Variants in THSD7B observed in about 807,000 individuals in gnomAD.
The protein encoded by THSD7B is thrombospondin type-1 domain-containing protein 7B.
A neutral mutation model predicts 213.6 loss-of-function variants in THSD7B; 138 were observed. That is an observed-to-expected ratio of 0.65 (90% CI 0.56 to 0.74). THSD7B has a LOEUF of 0.74. Among genes scored for constraint, THSD7B ranks in the 30% least tolerant of loss-of-function variants. The probability of loss-of-function intolerance (pLI) is 0.00; values close to 1 mark genes in which losing one functional copy is unlikely to be tolerated. For missense variants in THSD7B, 1,931 were observed against 1,991.5 expected, an observed-to-expected ratio of 0.97 and a Z score of 0.58; for synonymous variants, 742 against 687.0, an observed-to-expected ratio of 1.08 and a Z score of -1.25.
chr2:137,614,159 T>C (rs1682339202), intron 17 of THSD7B, among the ~76,000 whole-genome samples: 1 of 152,132 alleles, frequency 6.6e-6, no homozygotes, highest in African/African-American at 2.4e-5. Context: ...TCCGAAACTA[T>C]ATGGTATGAA....
chr2:137,553,523 T>C (rs1040956912), intron 15 of THSD7B, among the ~76,000 whole-genome samples: 4 of 152,194 alleles, frequency 2.6e-5, no homozygotes, highest in East Asian at 1.9e-4. Context: ...GTTTATGATA[T>C]GACTCCGGAA....
chr2:137,563,167 T>A, intron 15 of THSD7B, 54 bp from the exon 16 acceptor site: 4 of 1,577,292 alleles, frequency 2.5e-6, no homozygotes, highest in Non-Finnish European at 3.5e-6. Context: ...ATAGGCTATT[T>A]TTCTATAAGT....
intron 12 of THSD7B, among the ~76,000 whole-genome samples, chr2:137,395,375 G>A (rs1203353785): frequency 6.7e-6 from 1 of 149,820 alleles, no homozygotes; most frequent in African/African-American, 2.5e-5. Flanking sequence ...AGCATGAAGG[G>A]TTGTTGAATT....
chr2:137,216,945 G>A (rs933058536), intron 7 of THSD7B, among the ~76,000 whole-genome samples: 4 of 152,098 alleles, frequency 2.6e-5, no homozygotes, highest in African/African-American at 7.2e-5. Flanking sequence ...TATGTAATGC[G>A]GATTTAACTC....
rs141490472 is a variant in THSD7B, at chr2:137,250,167, A to C, written c.2266+7595A>C. ...TATAACTTCAGCATAGTTTTGCTTTATTTCACTGCCTCTTCCTATTAAATT... is the reference window on the plus strand; with the variant it reads ...TATAACTTCAGCATAGTTTTGCTTTCTTTCACTGCCTCTTCCTATTAAATT... On this transcript the variant is annotated intron_variant, in intron 10 of 27. Coordinates refer to ENST00000409968, the MANE Select transcript of THSD7B (RefSeq NM_001316349.2). Among the ~76,000 whole-genome samples the C allele has an allele frequency of 2.2e-3, 341 of 152,310 alleles. 1 individual carries two copies. Among genetic ancestry groups the C allele is most frequent in the African/African-American group, 8.0e-3 (331 of 41,576 alleles).
At chr2:136,767,438 T>C (rs1681421104) in intron 1 of THSD7B, among the ~76,000 whole-genome samples, 2 of 110,314 alleles carry the variant, frequency 1.8e-5, no homozygotes, top group Non-Finnish European at 2.2e-5. Flanking sequence ...GGAATTGTTT[T>C]ATTTTCTATC....
At chr2:137,257,821 G>A (rs1682342933) in intron 10 of THSD7B, among the ~76,000 whole-genome samples, 2 of 152,244 alleles carry the variant, frequency 1.3e-5, no homozygotes, top group South Asian at 4.1e-4. Flanking sequence ...CCAGGGAGAG[G>A]TTCATTTTTG....
At chr2:137,655,681 G>C (rs1293323033) in intron 22 of THSD7B, 21 bp downstream of exon 22, 7 of 1,607,024 alleles carry the variant, frequency 4.4e-6, no homozygotes, top group Non-Finnish European at 6.0e-6. Flanking sequence ...CTAGTGATTG[G>C]GAGCGCCTCC....
chr2:137,556,801 C>G (rs1024544451), intron 15 of THSD7B, among the ~76,000 whole-genome samples: 14 of 152,156 alleles, frequency 9.2e-5, no homozygotes, highest in Non-Finnish European at 1.0e-4. Flanking sequence ...AGATCCATCT[C>G]ACTTGCAGAG....
At position 137,492,170 on chromosome 2, in the gene THSD7B, T is replaced by G. The variant is rs1679425894; in HGVS notation, c.3138+41147T>G. Among the ~76,000 whole-genome samples, 5 of 152,190 alleles carry G rather than the reference T, an allele frequency of 3.3e-5. No homozygotes were observed. In the South Asian group the frequency reaches 1.0e-3, roughly 32 times the overall value. ...TACTTCAAAGCAAGGGAAATGAAACTCCATTTGCCTACTTTCTGAACAAGT... is the reference window on the plus strand; with the variant it reads ...TACTTCAAAGCAAGGGAAATGAAACGCCATTTGCCTACTTTCTGAACAAGT... On this transcript the variant is annotated intron_variant, in intron 15 of 27. Coordinates refer to ENST00000409968, the MANE Select transcript of THSD7B (RefSeq NM_001316349.2).
chr2:137,551,899 G>A (rs373531818), intron 15 of THSD7B, among the ~76,000 whole-genome samples: 26 of 152,180 alleles, frequency 1.7e-4, no homozygotes, highest in East Asian at 5.8e-4. Flanking sequence ...ATCAAGAGGG[G>A]TAACTGACCC....
At chr2:137,363,075 A>C (rs1235763935) in intron 12 of THSD7B, among the ~76,000 whole-genome samples, 1 of 152,238 alleles carries the variant, frequency 6.6e-6, no homozygotes, top group African/African-American at 2.4e-5. Flanking sequence ...ACTCAGGATT[A>C]AGAAACTCAC....
At chr2:137,261,722 A>C (rs902289819) in intron 10 of THSD7B, among the ~76,000 whole-genome samples, 1 of 152,206 alleles carries the variant, frequency 6.6e-6, no homozygotes, top group African/African-American at 2.4e-5. Context: ...GGTTAAAAAT[A>C]AAAAGCCTAA....
chr2:136,851,919 A>G (rs1683104200), intron 1 of THSD7B, among the ~76,000 whole-genome samples: 1 of 110,734 alleles, frequency 9.0e-6, no homozygotes, highest in Non-Finnish European at 1.9e-5. Context: ...TGAGGCCAAT[A>G]ATTCAATACA....
rs1407879387 is a variant in THSD7B, at chr2:137,411,825, C to A, written c.2912C>A (p.Ser971Tyr). 6.2e-7 allele frequency: 1 copy of A among 1,613,992 alleles called. No homozygotes were observed. Among genetic ancestry groups the A allele is most frequent in the Non-Finnish European group, 8.5e-7 (1 of 1,179,890 alleles). Reference sequence around the variant, plus strand: ...CTGCGCTTTCGAGCAGTAGCCTGTTCTGATAAAAATGGAAGACCTGTTGAC... The same window carrying A: ...CTGCGCTTTCGAGCAGTAGCCTGTTATGATAAAAATGGAAGACCTGTTGAC... ...EGLRFRAVAC[S>Y]DKNGRPVDPS... Residue 971 changes from serine (S) to tyrosine (Y), a missense_variant, in exon 14 of 28, where the codon TCT becomes TAT. By Grantham distance (144) the Ser-to-Tyr change is moderately radical (BLOSUM62 -2). Coordinates refer to ENST00000409968, the MANE Select transcript of THSD7B (RefSeq NM_001316349.2).
intron 12 of THSD7B, among the ~76,000 whole-genome samples, chr2:137,295,063 C>G (rs1321193053): frequency 6.6e-6 from 1 of 152,026 alleles, no homozygotes; most frequent in Non-Finnish European, 1.5e-5. Flanking sequence ...CTTCCTCTCC[C>G]CCTGTATCTC....
chr2:137,142,146 T>G (rs1223224917), intron 5 of THSD7B, among the ~76,000 whole-genome samples: 1 of 152,184 alleles, frequency 6.6e-6, no homozygotes, highest in Non-Finnish European at 1.5e-5. Flanking sequence ...TATCACATAC[T>G]GTGTCATTTA....
chr2:137,571,752 C>T (rs1272653128), intron 16 of THSD7B, among the ~76,000 whole-genome samples: 1 of 152,138 alleles, frequency 6.6e-6, no homozygotes, highest in Non-Finnish European at 1.5e-5. Context: ...AGGCCAAGCA[C>T]CCATGATGCA....
At chr2:137,218,495 A>G (rs1681296798) in intron 7 of THSD7B, among the ~76,000 whole-genome samples, 1 of 151,830 alleles carries the variant, frequency 6.6e-6, no homozygotes, top group East Asian at 1.9e-4. Flanking sequence ...TGAGTGTTGT[A>G]ATAACTGGTA....
Sources: gnomAD v4.1 joint callset for allele counts (sites outside exome capture counted in the v4.1 genomes callset) on GRCh38, gnomAD v4.1.1 for gene constraint, MANE v1.5 for transcripts, NCBI Gene and HGNC (gene_info 2026-07-23, HGNC 2026-07-21) for gene names.